The following GALNT14 variants were observed in gnomAD, a reference collection of about 807,000 sequenced individuals.
GALNT14 encodes the protein polypeptide N-acetylgalactosaminyltransferase 14, also known as UDP-GalNAc:polypeptide N-acetylgalactosaminyltransferase 14.
Under a neutral mutation model 77.5 loss-of-function variants are expected in GALNT14, and 60 were observed. The observed-to-expected ratio is 0.77, with a 90% CI of 0.63 to 0.96. The LOEUF (loss-of-function observed/expected upper bound fraction) is 0.96, where lower values mean the gene tolerates loss of function less well. GALNT14 is among the 40% of genes least tolerant of loss of function. GALNT14 has a pLI of 0.00. For missense variants in GALNT14, 710 were observed against 731.0 expected, an observed-to-expected ratio of 0.97 and a Z score of 0.33; for synonymous variants, 280 against 281.7, an observed-to-expected ratio of 0.99 and a Z score of 0.06.
At chr2:31,135,812 C>T (rs892192507) in intron 1 of GALNT14, among the ~76,000 whole-genome samples, 2 of 152,208 alleles carry the variant, frequency 1.3e-5, no homozygotes, top group African/African-American at 4.8e-5. Flanking sequence ...AGGGACACAG[C>T]GTGCTCATCA....
intron 1 of GALNT14, among the ~76,000 whole-genome samples, chr2:31,046,459 A>G (rs887886479): frequency 2.0e-5 from 3 of 152,090 alleles, no homozygotes; most frequent in African/African-American, 4.8e-5. Context: ...CGATCTCCTG[A>G]CGTCATGATC....
chr2:30,929,266 C>A, intron 11 of GALNT14, 129 bp downstream of exon 11: 1 of 633,276 alleles, frequency 1.6e-6, no homozygotes, highest in Non-Finnish European at 2.8e-6. Flanking sequence ...AGGAAAGAAG[C>A]CACAGCCTTG....
At chr2:30,956,944 C>T (rs1054361765) in intron 4 of GALNT14, among the ~76,000 whole-genome samples, 8 of 152,220 alleles carry the variant, frequency 5.3e-5, no homozygotes, top group African/African-American at 1.9e-4. Context: ...AAGGGTCCCA[C>T]TCAGCATGCC....
At chr2:31,008,626 C>T (rs1223688512) in intron 1 of GALNT14, among the ~76,000 whole-genome samples, 2 of 152,192 alleles carry the variant, frequency 1.3e-5, no homozygotes, top group African/African-American at 4.8e-5. Context: ...TTCTTCTCGC[C>T]TGCCTCCAAA....
At chr2:30,924,625 CT>C in intron 12 of GALNT14, 114 bp downstream of exon 12, 1 of 810,778 alleles carries the variant, frequency 1.2e-6, no homozygotes, top group Non-Finnish European at 2.0e-6. Context: ...TCTTACACCT[CT>C]GATATACATA....
At chr2:31,120,720 C>T (rs191009165) in intron 1 of GALNT14, among the ~76,000 whole-genome samples, 28 of 152,252 alleles carry the variant, frequency 1.8e-4, no homozygotes, top group African/African-American at 6.3e-4. Context: ...CCACGCCCAG[C>T]TAATTTTCGT....
chr2:30,904,428 C>T, the GALNT14 span, among the ~76,000 whole-genome samples: 9 of 152,174 alleles, frequency 5.9e-5, no homozygotes, highest in South Asian at 2.1e-4. Context: ...GTTCCCTTTC[C>T]GAGTCAAAGA....
chr2:31,028,470 C>T (rs1174783455), intron 1 of GALNT14, among the ~76,000 whole-genome samples: 3 of 152,254 alleles, frequency 2.0e-5, no homozygotes, highest in African/African-American at 4.8e-5. Context: ...TTCAGGGTTT[C>T]AGGGCAACTG....
intron 2 of GALNT14, among the ~76,000 whole-genome samples, chr2:30,975,991 C>G (rs1053619451): frequency 6.6e-6 from 1 of 152,188 alleles, no homozygotes; most frequent in Non-Finnish European, 1.5e-5. Flanking sequence ...CTCCTGTCTC[C>G]TCTCTTCCCC....
At chr2:31,037,538 G>T (rs1672815288) in intron 1 of GALNT14, among the ~76,000 whole-genome samples, 1 of 152,176 alleles carries the variant, frequency 6.6e-6, no homozygotes, top group Non-Finnish European at 1.5e-5. Flanking sequence ...CCTCTTTGTA[G>T]AAGTCATGCT....
chr2:30,971,345 G>A (rs2148353534), intron 2 of GALNT14, among the ~76,000 whole-genome samples: 1 of 152,254 alleles, frequency 6.6e-6, no homozygotes, highest in East Asian at 1.9e-4. Context: ...AGAAGAGCCA[G>A]TGAGCGGGAA....
chr2:30,900,192 A>G, the GALNT14 span, among the ~76,000 whole-genome samples: 3 of 152,200 alleles, frequency 2.0e-5, no homozygotes, highest in Admixed American at 2.0e-4. Context: ...CAGATGAAAT[A>G]CAGGGCTTCC....
intron 1 of GALNT14, among the ~76,000 whole-genome samples, chr2:31,078,629 T>C (rs1179431109): frequency 6.6e-6 from 1 of 152,164 alleles, no homozygotes; most frequent in East Asian, 1.9e-4. Context: ...GCCTGGCTGA[T>C]GTGAGCTGTC....
chr2:31,054,919 A>G (rs894369141), intron 1 of GALNT14, among the ~76,000 whole-genome samples: 6 of 152,218 alleles, frequency 3.9e-5, no homozygotes, highest in African/African-American at 1.2e-4. Flanking sequence ...ACCACGGAGC[A>G]AAATATATAA....
intron 8 of GALNT14, 62 bp downstream of exon 8, chr2:30,944,796 T>C: frequency 7.6e-7 from 1 of 1,308,260 alleles, no homozygotes; most frequent in Non-Finnish European, 1.0e-6. Context: ...AGCACCTCCC[T>C]ACACTTGACA....
At chr2:31,129,784 C>T (rs992013583) in intron 1 of GALNT14, 60 of 461,032 alleles carry the variant, frequency 1.3e-4, no homozygotes, top group Non-Finnish European at 1.6e-4. Flanking sequence ...CTACATAAAT[C>T]TTCAGCCCAG....
intron 13 of GALNT14, among the ~76,000 whole-genome samples, chr2:30,917,880 CAT>C (rs1276701892): frequency 4.6e-5 from 7 of 152,246 alleles, no homozygotes; most frequent in African/African-American, 1.4e-4. Flanking sequence ...GTCCCTGAGA[CAT>C]AGCCTTGAAG....
chr2:31,019,375 A>G (rs1671576425), intron 1 of GALNT14, among the ~76,000 whole-genome samples: 1 of 152,210 alleles, frequency 6.6e-6, no homozygotes, highest in Non-Finnish European at 1.5e-5. Flanking sequence ...CCTTCTTTCC[A>G]GAACTGCAGA....
chr2:31,052,181 A>C lies in GALNT14; in HGVS notation c.130-59174T>G, dbSNP rs372751499. ...AGTAGCACCCAGGACACTGCCCCCT[A>C]CCCCCTCCCGTGGACTCTAAGCTGA... On this transcript the variant is annotated intron_variant, in intron 1 of 14. Transcript: ENST00000349752. 4.7e-3 allele frequency among the ~76,000 whole-genome samples: 714 copies of C among 151,350 alleles called. 5 individuals carry two copies. The highest frequency in any genetic ancestry group is 0.016 in the African/African-American group (678 of 41,180).
Sources: allele counts gnomAD v4.1 joint callset (sites outside exome capture counted in the v4.1 genomes callset), GRCh38; gene constraint gnomAD v4.1.1; transcripts MANE v1.5; gene names NCBI Gene and HGNC (gene_info 2026-07-23, HGNC 2026-07-21).